Variants in PAPPA2 observed in about 807,000 individuals in gnomAD.
PAPPA2 encodes the protein pappalysin-2.
Under a neutral mutation model 176.4 loss-of-function variants are expected in PAPPA2, and 86 were observed. That is an observed-to-expected ratio of 0.49 (90% CI 0.41 to 0.58). PAPPA2 has a LOEUF of 0.58. PAPPA2 is among the 20% of genes least tolerant of loss of function. PAPPA2 has a pLI of 0.00. For synonymous variants in PAPPA2, 809 were observed against 852.2 expected (o/e 0.95, Z 0.88); for missense variants, 2,073 against 2,256.9 (o/e 0.92, Z 1.65).
intron 2 of PAPPA2, among the ~76,000 whole-genome samples, chr1:176,565,533 A>G (rs1651918824): frequency 2.0e-5 from 3 of 152,122 alleles, no homozygotes; most frequent in Admixed American, 2.0e-4. Flanking sequence ...CATCTCTACA[A>G]AACATACAAA....
intron 17 of PAPPA2, among the ~76,000 whole-genome samples, chr1:176,774,599 T>C (rs188183714): frequency 2.6e-5 from 4 of 152,270 alleles, no homozygotes; most frequent in Admixed American, 2.6e-4. Flanking sequence ...GTCTCTATAA[T>C]AGACTATTAT....
intron 3 of PAPPA2, among the ~76,000 whole-genome samples, chr1:176,629,924 T>A (rs1221339876): frequency 6.6e-6 from 1 of 152,050 alleles, no homozygotes. Context: ...AAGGGTGTAG[T>A]GGCGGGCATC....
At chr1:176,544,567 G>A (rs1650528287) in intron 1 of PAPPA2, among the ~76,000 whole-genome samples, 2 of 152,072 alleles carry the variant, frequency 1.3e-5, no homozygotes, top group African/African-American at 4.8e-5. Flanking sequence ...CCAATTGAGT[G>A]GCGTTTTCTT....
At chr1:176,683,994 T>C (rs1659712962) in intron 4 of PAPPA2, among the ~76,000 whole-genome samples, 1 of 152,128 alleles carries the variant, frequency 6.6e-6, no homozygotes. Context: ...TAAGCTAATG[T>C]GGTAGTGGTC....
chr1:176,725,426 A>G (rs1661819149), intron 12 of PAPPA2, among the ~76,000 whole-genome samples: 1 of 152,206 alleles, frequency 6.6e-6, no homozygotes, highest in South Asian at 2.1e-4. Flanking sequence ...TTAGTAAACA[A>G]TGCCTCATAT....
intron 4 of PAPPA2, among the ~76,000 whole-genome samples, chr1:176,684,213 A>T (rs984384602): frequency 2.0e-5 from 3 of 152,182 alleles, no homozygotes; most frequent in Non-Finnish European, 4.4e-5. Context: ...TTGTGAATTG[A>T]GTGGAGTAAG....
At chr1:176,726,360 G>GT (rs1161874051) in intron 12 of PAPPA2, among the ~76,000 whole-genome samples, 1 of 152,162 alleles carries the variant, frequency 6.6e-6, no homozygotes, top group East Asian at 1.9e-4. Context: ...CCTGTGAACT[G>GT]TAAGGATCTC....
intron 3 of PAPPA2, among the ~76,000 whole-genome samples, chr1:176,669,558 G>A (rs1227917330): frequency 6.6e-6 from 1 of 152,122 alleles, no homozygotes; most frequent in Non-Finnish European, 1.5e-5. Flanking sequence ...GATCACATAT[G>A]ATATCATCTC....
chr1:176,557,398 C>T (rs1302023491), intron 2 of PAPPA2, among the ~76,000 whole-genome samples, 157 bp downstream of exon 2: 1 of 152,218 alleles, frequency 6.6e-6, no homozygotes, highest in African/African-American at 2.4e-5. Context: ...TTAATCAGCA[C>T]GGCAGGATTC....
At chr1:176,473,266 A>G (rs1651966121) in intron 1 of PAPPA2, among the ~76,000 whole-genome samples, 1 of 152,208 alleles carries the variant, frequency 6.6e-6, no homozygotes. Context: ...CTAGAATGTC[A>G]TATAATTGGG....
At chr1:176,746,583 G>T (rs1275815858) in intron 14 of PAPPA2, among the ~76,000 whole-genome samples, 1 of 152,038 alleles carries the variant, frequency 6.6e-6, no homozygotes, top group Non-Finnish European at 1.5e-5. Context: ...TTTCTGAATA[G>T]ATTTGAGCTA....
chr1:176,493,546 C>T (rs993694035), intron 1 of PAPPA2, among the ~76,000 whole-genome samples: 2 of 152,160 alleles, frequency 1.3e-5, no homozygotes, highest in Admixed American at 6.5e-5. Flanking sequence ...TGCTTCCCTT[C>T]TCAGGAGCAA....
At chr1:176,742,295 A>G (rs548636664) in intron 14 of PAPPA2, among the ~76,000 whole-genome samples, 1 of 150,078 alleles carries the variant, frequency 6.7e-6, no homozygotes, top group Admixed American at 6.6e-5. Context: ...CATGAACAGA[A>G]CTGAACAAGA....
chr1:176,480,199 G>A (rs150838276), intron 1 of PAPPA2, among the ~76,000 whole-genome samples: 2,738 of 152,276 alleles, frequency 0.018, 39 homozygotes, highest in Middle Eastern at 0.028. Flanking sequence ...GGCCTCCTCC[G>A]TGCCCAGCTT....
chr1:176,780,495 C>G (rs943050310), intron 17 of PAPPA2, among the ~76,000 whole-genome samples: 1 of 152,062 alleles, frequency 6.6e-6, no homozygotes, highest in Non-Finnish European at 1.5e-5. Context: ...TCCATTTCTC[C>G]ATTTACAGTT....
At chr1:176,829,792 G>T (rs1667015383) in intron 21 of PAPPA2, among the ~76,000 whole-genome samples, 2 of 152,198 alleles carry the variant, frequency 1.3e-5, no homozygotes, top group South Asian at 4.1e-4. Flanking sequence ...GTGGCCTTGT[G>T]CAGCAGCTGG....
intron 2 of PAPPA2, among the ~76,000 whole-genome samples, chr1:176,567,277 G>T (rs1315136570): frequency 6.6e-6 from 1 of 152,180 alleles, no homozygotes; most frequent in African/African-American, 2.4e-5. Context: ...AAGTGGTTCT[G>T]CCCAAATATA....
chr1:176,691,189 C>T, intron 5 of PAPPA2: 1 of 978,598 alleles, frequency 1.0e-6, no homozygotes, highest in Non-Finnish European at 1.2e-6. Context: ...AAATTAAAGA[C>T]TTATTTGATG....
At chr1:176,658,720 T>C (rs1025711210) in intron 3 of PAPPA2, among the ~76,000 whole-genome samples, 3 of 152,038 alleles carry the variant, frequency 2.0e-5, no homozygotes, top group Non-Finnish European at 2.9e-5. Flanking sequence ...AATCCACTAA[T>C]TCAATCAATG....
Sources: allele counts gnomAD v4.1 joint callset (sites outside exome capture counted in the v4.1 genomes callset), GRCh38; gene constraint gnomAD v4.1.1; transcripts MANE v1.5; gene names NCBI Gene and HGNC (gene_info 2026-07-23, HGNC 2026-07-21).